PRDM2: variants seen among roughly 807,000 people sequenced by gnomAD.
The protein encoded by PRDM2 is PR domain zinc finger protein 2.
In PRDM2, 30 loss-of-function variants were observed where a neutral mutation model predicts 130.0. The ratio of observed to expected loss-of-function variants is 0.23; its 90% CI spans 0.17 to 0.31. The LOEUF (loss-of-function observed/expected upper bound fraction) is 0.31, where lower values mean the gene tolerates loss of function less well. PRDM2 is among the 10% of genes least tolerant of loss of function. PRDM2 has a pLI of 1.00. For synonymous variants in PRDM2, 871 were observed against 782.4 expected, an observed-to-expected ratio of 1.11 and a Z score of -1.89; for missense variants, 2,011 against 2,108.4, an observed-to-expected ratio of 0.95 and a Z score of 0.90.
intron 6 of PRDM2, among the ~76,000 whole-genome samples, chr1:13,751,404 C>G (rs189461021): frequency 2.0e-5 from 3 of 152,148 alleles, no homozygotes; most frequent in African/African-American, 7.2e-5. Context: ...GTTAAAGAGA[C>G]CTATTTGCTC....
Position 13,781,197 on chromosome 1 carries a change from T to C in PRDM2, c.3402T>C (p.Phe1134=), listed in dbSNP as rs759473788. The C allele has an allele frequency of 5.6e-6, 9 of 1,614,120 alleles. No individual in the cohort carries two copies. The South Asian group carries it at 6.6e-5, about 12-fold the overall frequency. ...TTCAGGAAACATTCAACAAAAACTT[T>C]GTTTGCAACGTCTGTGAATCACCTT... ...VVVQETFNKN[F]VCNVCESPFL... The change falls in exon 8 of 10, where the codon TTT becomes TTC. Residue 1134 remains phenylalanine, a synonymous_variant. Coordinates refer to ENST00000311066, the MANE Select transcript of PRDM2 (RefSeq NM_001393986.1). This position sits in a 1 kb window ranked among gnomAD's most constrained non-coding sequence, Gnocchi z 6.1.
At chr1:13,760,924 T>C (rs931702547) in intron 6 of PRDM2, among the ~76,000 whole-genome samples, 2 of 152,242 alleles carry the variant, frequency 1.3e-5, no homozygotes, top group African/African-American at 4.8e-5. Flanking sequence ...TATATTTTCC[T>C]TTTGCATCGT....
At chr1:13,815,387 C>T (rs2100765543) in intron 8 of PRDM2, among the ~76,000 whole-genome samples, 1 of 152,344 alleles carries the variant, frequency 6.6e-6, no homozygotes, top group East Asian at 1.9e-4. Context: ...GCTGGGATTA[C>T]AGGCATGAGC....
In PRDM2 at chr1:13,731,109, C is replaced by T. The variant is rs1475636807; in HGVS notation, c.119C>T (p.Thr40Ile). 2 of 1,612,414 alleles carry T rather than the reference C, an allele frequency of 1.2e-6. No homozygotes were observed. The highest frequency in any genetic ancestry group is 1.1e-5 in the South Asian group (1 of 91,016). Reference sequence around the variant, plus strand: ...CTTTTCCCTTCTGCTGTTGACAAGACCCGGATTGGTGAGTGCTCCTCCTGT... The same window carrying T: ...CTTTTCCCTTCTGCTGTTGACAAGATCCGGATTGGTGAGTGCTCCTCCTGT... The part of the protein sequence containing the change: ...VRLFPSAVDK[T>I]RIGVWATKPI... Residue 40 changes from threonine to isoleucine, a missense_variant, in exon 3 of 10, where the codon ACC (threonine) becomes ATC (isoleucine). Transcript: ENST00000311066.
At chr1:13,749,537 G>A in intron 6 of PRDM2, 50 bp downstream of exon 6, 1 of 1,174,352 alleles carries the variant, frequency 8.5e-7, no homozygotes. Context: ...CGCCCGCCCA[G>A]GACGCCGCCC....
At chr1:13,794,538 C>T (rs565307720) in intron 8 of PRDM2, among the ~76,000 whole-genome samples, 2 of 152,184 alleles carry the variant, frequency 1.3e-5, no homozygotes, top group Admixed American at 6.5e-5. Flanking sequence ...GTTCTGTAAG[C>T]GTAATCTATG....
At position 13,782,037 on chromosome 1, in the gene PRDM2, G is replaced by A. The variant is rs559689099; in HGVS notation, c.4242G>A (p.Ser1414=). The A allele has an allele frequency of 2.9e-5, 47 of 1,613,888 alleles. No homozygotes were observed. In the East Asian group the frequency reaches 6.0e-4, roughly 21 times the overall value. ...NFSVELSKMS[S]NKLKLNALKK... is the part of the protein sequence containing the mutation. ...GTGTTGAGCTCAGCAAAATGTCGTCGAATAAGCTCAAATTAAATGCATTGA... is the reference window on the plus strand; with the variant it reads ...GTGTTGAGCTCAGCAAAATGTCGTCAAATAAGCTCAAATTAAATGCATTGA... The change falls in exon 8 of 10, where the codon TCG becomes TCA. Residue 1414 remains serine, a synonymous_variant. Coordinates refer to ENST00000311066, the MANE Select transcript of PRDM2 (RefSeq NM_001393986.1).
chr1:13,741,513 C>T (rs899114329), intron 4 of PRDM2, among the ~76,000 whole-genome samples: 1 of 152,146 alleles, frequency 6.6e-6, no homozygotes, highest in African/African-American at 2.4e-5. Flanking sequence ...AAGGGACCTG[C>T]TGAATTGTAT....
chr1:13,772,156 A>T (rs376027525), intron 6 of PRDM2: 1 of 152,214 alleles, frequency 6.6e-6, no homozygotes, highest in South Asian at 2.1e-4. Context: ...TTACGGAAGA[A>T]TGGGGATCTG....
At position 13,782,597 on chromosome 1, in the gene PRDM2, C is replaced by T. The variant is rs1644640651; in HGVS notation, c.4802C>T (p.Ala1601Val). 1 of 1,614,076 alleles carries T rather than the reference C, an allele frequency of 6.2e-7. No individual in the cohort carries two copies. The highest frequency in any genetic ancestry group is 8.5e-7 in the Non-Finnish European group (1 of 1,180,048). ...KPKAVAKNHSAQLSSKTSRSL... is the reference protein window; with the variant it reads ...KPKAVAKNHSVQLSSKTSRSL... ...AAAGCTGTGGCCAAGAATCATTCTG[C>T]TCAGCTTTCCAGCAAAACATCACGG... The change falls in exon 8 of 10, where the codon GCT (alanine) becomes GTT (valine). Residue 1601 changes from alanine (A) to valine (V), a missense_variant. This residue lies in a region of PRDM2 where 410 missense variants were observed against 395.9 expected (regional missense o/e 1.04). Transcript: ENST00000311066.
At position 13,785,185 on chromosome 1, in the gene PRDM2, G is replaced by A. The variant is rs952035221; in HGVS notation, c.5036+2354G>A. ...ATAAGGAGTTGTTTGAACTACAGTC[G>A]TCTTTCTGTTTAAGTATAGTTCTAC... On this transcript the variant is annotated intron_variant, in intron 8 of 9. Coordinates refer to ENST00000311066, the MANE Select transcript of PRDM2 (RefSeq NM_001393986.1). 5.9e-5 allele frequency among the ~76,000 whole-genome samples: 9 copies of A among 152,178 alleles called. No individual in the cohort carries two copies. In the East Asian group the frequency reaches 1.5e-3, roughly 26 times the overall value.
At chr1:13,732,665 C>CT (rs1643146604) in intron 3 of PRDM2, 114 bp from the exon 4 acceptor site, 4 of 674,124 alleles carry the variant, frequency 5.9e-6, no homozygotes, top group Non-Finnish European at 9.6e-6. Context: ...TTAACATTAG[C>CT]TTGATTTAGG....
chr1:13,798,818 T>C (rs1644962397), intron 8 of PRDM2, among the ~76,000 whole-genome samples: 2 of 152,122 alleles, frequency 1.3e-5, no homozygotes, highest in African/African-American at 2.4e-5. Context: ...TACATAGCAA[T>C]GGATGACTTT....
At chr1:13,795,447 A>G (rs567255240) in intron 8 of PRDM2, among the ~76,000 whole-genome samples, 2 of 152,312 alleles carry the variant, frequency 1.3e-5, no homozygotes, top group African/African-American at 4.8e-5. Context: ...TCTCTTAATC[A>G]TGAGTTTGTG....
At chr1:13,704,055 A>G (rs1395399547) in intron 1 of PRDM2, among the ~76,000 whole-genome samples, 1 of 152,242 alleles carries the variant, frequency 6.6e-6, no homozygotes, top group African/African-American at 2.4e-5. Context: ...CCTTATTTGT[A>G]ATCTTTCTAA....
intron 8 of PRDM2, among the ~76,000 whole-genome samples, chr1:13,789,584 T>C (rs1326510960): frequency 1.3e-5 from 2 of 152,240 alleles, no homozygotes; most frequent in Non-Finnish European, 2.9e-5. Flanking sequence ...GTAATCTAGA[T>C]GACTGCCGGC....
intron 5 of PRDM2, among the ~76,000 whole-genome samples, chr1:13,743,203 T>G (rs1359573540): frequency 6.6e-6 from 1 of 151,836 alleles, no homozygotes; most frequent in East Asian, 1.9e-4. Flanking sequence ...ATTGAGACCA[T>G]CCTGGCTAAC....
At chr1:13,758,887 T>C (rs1644028676) in intron 6 of PRDM2, among the ~76,000 whole-genome samples, 2 of 152,254 alleles carry the variant, frequency 1.3e-5, no homozygotes, top group Non-Finnish European at 1.5e-5. Flanking sequence ...GCAAGAGATT[T>C]ATTCTAATGA....
At chr1:13,798,529 G>A (rs914899335) in intron 8 of PRDM2, among the ~76,000 whole-genome samples, 1 of 152,074 alleles carries the variant, frequency 6.6e-6, no homozygotes, top group Non-Finnish European at 1.5e-5. Context: ...TAATTCAAAG[G>A]TACTGGTGGA....
Sources: gnomAD v4.1 joint callset for allele counts (sites outside exome capture counted in the v4.1 genomes callset) on GRCh38, gnomAD v4.1.1 for gene constraint, gnomAD v4.1.1 regional missense constraint, Gnocchi (gnomAD v3.1) non-coding constraint, MANE v1.5 for transcripts, NCBI Gene and HGNC (gene_info 2026-07-23, HGNC 2026-07-21) for gene names.